NKD2: variants seen among roughly 807,000 people sequenced by gnomAD.
The protein encoded by NKD2 is protein naked cuticle homolog 2.
In NKD2, 43 loss-of-function variants were observed where a neutral mutation model predicts 34.8. The ratio of observed to expected loss-of-function variants is 1.24; its 90% confidence interval spans 0.97 to 1.60. The LOEUF is 1.60. Ranked by LOEUF, NKD2 falls within the 40% of genes most tolerant of loss-of-function variation. The pLI is 0.00. For missense variants in NKD2, 675 were observed against 627.1 expected (o/e 1.08, Z -0.82); for synonymous variants, 278 against 265.1 (o/e 1.05, Z -0.47).
intron 3 of NKD2, among the ~76,000 whole-genome samples, chr5:1,014,487 G>T (rs1227814751): frequency 6.6e-6 from 1 of 152,144 alleles, no homozygotes; most frequent in Non-Finnish European, 1.5e-5. Context: ...CTGGGCCCCT[G>T]CTGTGCATGC....
chr5:1,016,249 C>G (rs576071737), intron 3 of NKD2, among the ~76,000 whole-genome samples: 1 of 152,252 alleles, frequency 6.6e-6, no homozygotes, highest in Non-Finnish European at 1.5e-5. Flanking sequence ...TCCGCTCTCA[C>G]GGCGAGCTGC....
At position 1,036,291 on chromosome 5, in the gene NKD2, CG is replaced by C. The variant is rs757584303; in HGVS notation, c.699del (p.Tyr235ThrfsTer193). 6.2e-7 allele frequency: 1 copy of C among 1,611,940 alleles called. No homozygotes were observed. Among genetic ancestry groups the C allele is most frequent in the South Asian group, 1.1e-5 (1 of 90,906 alleles). On this transcript the variant is annotated frameshift_variant, in exon 9 of 10. Coordinates refer to ENST00000296849, the MANE Select transcript of NKD2 (RefSeq NM_033120.4). LOFTEE classifies it high-confidence loss of function. ...TACTGACCCCCAGCCCTGCTCGGAGCGGGGGCCCTACTGCGTGGACGAGAAC... is the reference window on the plus strand; with the variant it reads ...TACTGACCCCCAGCCCTGCTCGGAGCGGGGCCCTACTGCGTGGACGAGAAC... ...PSTDPQPCSERGPYCVDENTE... is the reference protein window; with the variant it reads ...PSTDPQPCSEXGPYCVDENTE...
At chr5:1,018,198 C>G (rs1756035100) in intron 3 of NKD2, among the ~76,000 whole-genome samples, 1 of 152,182 alleles carries the variant, frequency 6.6e-6, no homozygotes, top group African/African-American at 2.4e-5. Flanking sequence ...CAGATGTGCA[C>G]TGGTCTCTGT....
chr5:1,016,063 C>T (rs907822261), intron 3 of NKD2, among the ~76,000 whole-genome samples: 10 of 152,210 alleles, frequency 6.6e-5, no homozygotes, highest in East Asian at 1.9e-4. Context: ...GCAGAAGGCG[C>T]GGTGTGTGAG....
chr5:1,022,754 T>C (rs369696626), intron 3 of NKD2, among the ~76,000 whole-genome samples: 75 of 5,026 alleles, frequency 0.015, 36 homozygotes, highest in East Asian at 1. Flanking sequence ...CCTCTGTGGG[T>C]GTCCCAGCCC....
chr5:1,021,463 A>G (rs1756182737), intron 3 of NKD2, among the ~76,000 whole-genome samples: 1 of 148,264 alleles, frequency 6.7e-6, no homozygotes, highest in East Asian at 2.0e-4. Flanking sequence ...CATAGTACTT[A>G]AATCTTTCAC....
Position 1,038,681 on chromosome 5 carries a change from A to C in NKD2, c.*308A>C. 1 of 609,596 alleles carries C rather than the reference A, an allele frequency of 1.6e-6. No homozygotes were observed. Among genetic ancestry groups the C allele is most frequent in the Non-Finnish European group, 2.9e-6 (1 of 340,776 alleles). 37.8% of individuals were successfully genotyped at this position (609,596 alleles called of 1,614,324 possible). On this transcript the variant is annotated 3_prime_UTR_variant, in exon 10 of 10. Transcript: ENST00000296849. This position sits in a 1 kb window ranked among gnomAD's most constrained non-coding sequence, Gnocchi z 4.5. ...CCCATAAAACCTGCTTTGATTCCAAAATGAGGCCCTGGAGTGCGCAAGGAG... is the reference window on the plus strand; with the variant it reads ...CCCATAAAACCTGCTTTGATTCCAACATGAGGCCCTGGAGTGCGCAAGGAG...
chr5:1,009,775 G>A lies in NKD2; in HGVS notation c.141+215G>A, dbSNP rs1349166160. On this transcript the variant is annotated intron_variant, in intron 3 of 9. Transcript: ENST00000296849. This position sits in a 1 kb window ranked among gnomAD's most constrained non-coding sequence, Gnocchi z 6.9. ...AGCCCTTGCTAGTGTCCCATGCTGAGTGGCGGGTAGGGGAATCGGAATTCC... is the reference window on the plus strand; with the variant it reads ...AGCCCTTGCTAGTGTCCCATGCTGAATGGCGGGTAGGGGAATCGGAATTCC... Among the ~76,000 whole-genome samples, 3 of 150,132 alleles carry A rather than the reference G, an allele frequency of 2.0e-5. No homozygotes were observed. Among genetic ancestry groups the A allele is most frequent in the Admixed American group, 6.6e-5 (1 of 15,042 alleles).
At chr5:1,031,740 G>A (rs901224650) in intron 3 of NKD2, among the ~76,000 whole-genome samples, 95 of 152,280 alleles carry the variant, frequency 6.2e-4, no homozygotes, top group African/African-American at 2.1e-3. Flanking sequence ...GCAGCCATGC[G>A]GGCAGCGGCT....
intron 3 of NKD2, among the ~76,000 whole-genome samples, chr5:1,016,578 C>T (rs1236663042): frequency 6.6e-6 from 1 of 152,206 alleles, no homozygotes; most frequent in Non-Finnish European, 1.5e-5. Flanking sequence ...AGTGTCTTGG[C>T]GGATTTAGAC....
At chr5:1,021,731 C>T (rs1316295329) in intron 3 of NKD2, among the ~76,000 whole-genome samples, 1 of 152,074 alleles carries the variant, frequency 6.6e-6, no homozygotes, top group Non-Finnish European at 1.5e-5. Flanking sequence ...GAAGTGGGCC[C>T]CCGGCACCTC....
chr5:1,033,428 G>C lies in NKD2; in HGVS notation c.259G>C (p.Ala87Pro). ...GREHPGQLLS[A>P]DDGERAANRE... ...CGAGCACCCGGGACAACTCCTCAGC[G>C]CAGATGACGGAGAGAGGGCAGCAAA... The change falls in exon 5 of 10, where the codon GCA (alanine) becomes CCA (proline). Residue 87 changes from alanine (A) to proline (P), a missense_variant. Transcript: ENST00000296849. The C allele has an allele frequency of 6.3e-7, 1 of 1,585,284 alleles. No individual in the cohort carries two copies. Among genetic ancestry groups the C allele is most frequent in the African/African-American group, 1.3e-5 (1 of 74,132 alleles).
Position 1,038,811 on chromosome 5 carries a change from C to T in NKD2, c.*438C>T, listed in dbSNP as rs1255141275. 5.7e-6 allele frequency: 2 copies of T among 352,624 alleles called. No homozygotes were observed. Among genetic ancestry groups the T allele is most frequent in the Non-Finnish European group, 1.1e-5 (2 of 185,192 alleles). 21.8% of individuals were successfully genotyped at this position (352,624 alleles called of 1,614,324 possible). A position where few individuals can be genotyped will look rare whatever the true frequency, so the allele number is the denominator to read the frequency against. On this transcript the variant is annotated 3_prime_UTR_variant, in exon 10 of 10. Transcript: ENST00000296849. This position sits in a 1 kb window ranked among gnomAD's most constrained non-coding sequence, Gnocchi z 4.5. ...AGCGAATGGAAAAGCTGAGGCTTTG[C>T]CTGGCTTGTGCATCATGAAGTGAGA...
Position 1,018,070 on chromosome 5 carries a change from G to A in NKD2, c.141+8510G>A, listed in dbSNP as rs147643437. 1.3e-3 allele frequency among the ~76,000 whole-genome samples: 203 copies of A among 152,162 alleles called. 7 individuals carry two copies. The East Asian group carries it at 0.034, about 25-fold the overall frequency. On this transcript the variant is annotated intron_variant, in intron 3 of 9. Coordinates refer to ENST00000296849, the MANE Select transcript of NKD2 (RefSeq NM_033120.4). ...AGCCACTGCAAAGGCCCTGAGGCAG[G>A]AGTAGGCCTGGAGGACGGGACGGTA...
At chr5:1,031,008 G>A (rs549783396) in intron 3 of NKD2, among the ~76,000 whole-genome samples, 10 of 152,234 alleles carry the variant, frequency 6.6e-5, no homozygotes, top group African/African-American at 2.4e-4. Flanking sequence ...CCCAAGTTCT[G>A]GGGTGGCAGC....
At chr5:1,027,588 T>G (rs1756471888) in intron 3 of NKD2, among the ~76,000 whole-genome samples, 1 of 152,212 alleles carries the variant, frequency 6.6e-6, no homozygotes, top group African/African-American at 2.4e-5. Context: ...CAGCCTGGCC[T>G]CCTGGACACG....
intron 3 of NKD2, among the ~76,000 whole-genome samples, chr5:1,022,211 G>T (rs56006100): frequency 1.2e-4 from 17 of 142,750 alleles, no homozygotes; most frequent in South Asian, 2.2e-4. Flanking sequence ...CTTCCCACCC[G>T]CTGTGGGTGT....
chr5:1,020,088 C>T (rs77213962), intron 3 of NKD2, among the ~76,000 whole-genome samples: 4,645 of 152,112 alleles, frequency 0.031, 219 homozygotes, highest in African/African-American at 0.1. Flanking sequence ...CATTGGGGAT[C>T]GTTAGCTCTG....
intron 3 of NKD2, among the ~76,000 whole-genome samples, chr5:1,021,629 G>A (rs1037949109): frequency 3.3e-5 from 5 of 151,928 alleles, no homozygotes; most frequent in African/African-American, 7.2e-5. Flanking sequence ...CATTGAAACC[G>A]AGACTTTGAC....
Sources: allele counts gnomAD v4.1 joint callset (sites outside exome capture counted in the v4.1 genomes callset), GRCh38; gene constraint gnomAD v4.1.1; non-coding constraint Gnocchi (gnomAD v3.1); transcripts MANE v1.5; gene names NCBI Gene and HGNC (gene_info 2026-07-23, HGNC 2026-07-21).